SNTG1: variants seen among roughly 807,000 people sequenced by gnomAD.
The protein encoded by SNTG1 is syntrophin gamma 1.
In SNTG1, 39 loss-of-function variants were observed where a neutral mutation model predicts 74.7. The ratio of observed to expected loss-of-function variants is 0.52; its 90% confidence interval spans 0.40 to 0.68. SNTG1 has a LOEUF of 0.68. Among genes scored for constraint, SNTG1 ranks in the 30% least tolerant of loss-of-function variants. The pLI is 0.00. For synonymous variants in SNTG1, 254 were observed against 217.1 expected, an observed-to-expected ratio of 1.17 and a Z score of -1.49; for missense variants, 685 against 609.5, an observed-to-expected ratio of 1.12 and a Z score of -1.30.
At chr8:50,631,763 G>A (rs965601290) in intron 13 of SNTG1, among the ~76,000 whole-genome samples, 9 of 152,256 alleles carry the variant, frequency 5.9e-5, no homozygotes, top group Non-Finnish European at 1.3e-4. Flanking sequence ...TTGTTCTACA[G>A]AAAAGCACAG....
intron 2 of SNTG1, among the ~76,000 whole-genome samples, chr8:50,311,792 G>A (rs2090123680): frequency 6.6e-6 from 1 of 152,100 alleles, no homozygotes; most frequent in Non-Finnish European, 1.5e-5. Flanking sequence ...GAAAATACAT[G>A]GAAATACACT....
In SNTG1 at chr8:50,705,283, CTCT is replaced by C. The variant is rs546294928; in HGVS notation, c.1191+538_1191+540del. On this transcript the variant is annotated intron_variant, in intron 16 of 18. Transcript: ENST00000642720. ...TTCTACAACTATCCTGTTCAAACAA[CTCT>C]TCTTCTCACTTTTGAACACAATATA... Among the ~76,000 whole-genome samples, 16 of 152,088 alleles carry C rather than the reference CTCT, an allele frequency of 1.1e-4. No individual in the cohort carries two copies. In the South Asian group the frequency reaches 3.3e-3, roughly 31 times the overall value.
intron 2 of SNTG1, among the ~76,000 whole-genome samples, chr8:50,268,781 C>T (rs1159243070): frequency 3.3e-5 from 5 of 151,878 alleles, no homozygotes; most frequent in South Asian, 2.1e-4. Flanking sequence ...CTCAGCCTCC[C>T]GAGTAGCTGG....
intron 1 of SNTG1, among the ~76,000 whole-genome samples, chr8:50,061,461 C>G (rs976666249): frequency 6.6e-6 from 1 of 151,570 alleles, no homozygotes; most frequent in African/African-American, 2.4e-5. Flanking sequence ...TTTAGAAAAC[C>G]AGTTTCTTTC....
intron 2 of SNTG1, among the ~76,000 whole-genome samples, chr8:50,263,879 G>C (rs868842957): frequency 6.6e-6 from 1 of 152,032 alleles, no homozygotes; most frequent in Non-Finnish European, 1.5e-5. Flanking sequence ...CAGTGATTGC[G>C]GCATACACAT....
At chr8:49,954,186 A>T (rs761478346) in intron 1 of SNTG1, among the ~76,000 whole-genome samples, 6 of 152,202 alleles carry the variant, frequency 3.9e-5, no homozygotes, top group Non-Finnish European at 5.9e-5. Flanking sequence ...TAATTTTTAA[A>T]GGAAATACTA....
chr8:50,495,393 C>T (rs1451161614), intron 8 of SNTG1, among the ~76,000 whole-genome samples: 1 of 151,930 alleles, frequency 6.6e-6, no homozygotes, highest in Non-Finnish European at 1.5e-5. Flanking sequence ...CTAGCTTTTC[C>T]AGCTCTGTCC....
intron 2 of SNTG1, among the ~76,000 whole-genome samples, chr8:50,272,014 G>A (rs2087809953): frequency 6.6e-6 from 1 of 151,998 alleles, no homozygotes; most frequent in Admixed American, 6.6e-5. Context: ...TCATCTATGA[G>A]CCAGAAAGCA....
chr8:50,605,001 G>A (rs1384659121), intron 13 of SNTG1, among the ~76,000 whole-genome samples: 1 of 152,150 alleles, frequency 6.6e-6, no homozygotes, highest in Non-Finnish European at 1.5e-5. Flanking sequence ...TCAAGGCAGT[G>A]GGTTTCCTTC....
intron 2 of SNTG1, among the ~76,000 whole-genome samples, chr8:50,189,635 C>A (rs955167509): frequency 6.6e-6 from 1 of 152,138 alleles, no homozygotes; most frequent in African/African-American, 2.4e-5. Flanking sequence ...TAACAACATT[C>A]AAACTCCAGG....
At chr8:50,745,220 T>C (rs926302767) in intron 17 of SNTG1, among the ~76,000 whole-genome samples, 2 of 151,806 alleles carry the variant, frequency 1.3e-5, no homozygotes, top group African/African-American at 4.8e-5. Context: ...AACAAGCAAC[T>C]CAATTCAAAA....
At chr8:50,368,719 G>C (rs1046894798) in intron 2 of SNTG1, among the ~76,000 whole-genome samples, 1 of 152,070 alleles carries the variant, frequency 6.6e-6, no homozygotes, top group Non-Finnish European at 1.5e-5. Flanking sequence ...TTAACCAAAT[G>C]GTTGGGGTTG....
chr8:50,736,511 C>T (rs1043850039), intron 17 of SNTG1, among the ~76,000 whole-genome samples: 11 of 151,784 alleles, frequency 7.2e-5, no homozygotes, highest in African/African-American at 1.5e-4. Flanking sequence ...AATATAAGAC[C>T]GATCAACAAG....
intron 8 of SNTG1, among the ~76,000 whole-genome samples, chr8:50,498,726 T>G (rs1445344308): frequency 6.6e-6 from 1 of 151,942 alleles, no homozygotes; most frequent in Non-Finnish European, 1.5e-5. Context: ...GCTTAGACTT[T>G]ACATTCAGGT....
chr8:50,689,253 G>T (rs1012752885), intron 15 of SNTG1, among the ~76,000 whole-genome samples: 4 of 152,072 alleles, frequency 2.6e-5, no homozygotes, highest in Non-Finnish European at 5.9e-5. Context: ...TTCTTCTCCT[G>T]CCTGATTGCC....
intron 16 of SNTG1, chr8:50,708,124 C>G (rs1360494836): frequency 4.8e-6 from 1 of 209,958 alleles, no homozygotes; most frequent in Non-Finnish European, 9.3e-6. Context: ...TTTATTGAAC[C>G]CAACAGACAG....
intron 2 of SNTG1, among the ~76,000 whole-genome samples, chr8:50,227,921 CAA>C (rs60255876): frequency 7.3e-6 from 1 of 136,200 alleles, no homozygotes; most frequent in Non-Finnish European, 1.6e-5. Flanking sequence ...AAACAACAAC[CAA>C]AAAAAAAAAA....
chr8:50,181,760 C>T (rs1261584921), intron 2 of SNTG1, among the ~76,000 whole-genome samples: 1 of 151,976 alleles, frequency 6.6e-6, no homozygotes, highest in Non-Finnish European at 1.5e-5. Flanking sequence ...GTAACATGTA[C>T]AAAGTTATAT....
intron 17 of SNTG1, among the ~76,000 whole-genome samples, chr8:50,716,289 A>G (rs1386120874): frequency 1.3e-5 from 2 of 152,182 alleles, no homozygotes; most frequent in Non-Finnish European, 2.9e-5. Context: ...AAAAATTGAA[A>G]CATCAAAATG....
Sources: gnomAD v4.1 joint callset for allele counts (sites outside exome capture counted in the v4.1 genomes callset) on GRCh38, gnomAD v4.1.1 for gene constraint, MANE v1.5 for transcripts, NCBI Gene and HGNC (gene_info 2026-07-23, HGNC 2026-07-21) for gene names.